Variants in ITGB3 observed in about 807,000 individuals in gnomAD.
ITGB3 encodes integrin subunit beta 3.
Under a neutral mutation model 85.8 loss-of-function variants are expected in ITGB3, and 48 were observed. That is an observed-to-expected ratio of 0.56 (90% confidence interval 0.44 to 0.71). The LOEUF (loss-of-function observed/expected upper bound fraction) is 0.71. Ranked by LOEUF, ITGB3 falls within the 30% of genes least tolerant of loss-of-function variation. The pLI is 0.00. For synonymous variants in ITGB3, 363 were observed against 395.6 expected, an observed-to-expected ratio of 0.92 and a Z score of 0.98; for missense variants, 861 against 1,019.1, an observed-to-expected ratio of 0.84 and a Z score of 2.11.
Position 47,274,090 on chromosome 17 carries a change from A to C in ITGB3, c.80-329A>C, listed in dbSNP as rs192106345. Among the ~76,000 whole-genome samples, 47 of 152,282 alleles carry C rather than the reference A, an allele frequency of 3.1e-4. 1 individual carries two copies. In the East Asian group the frequency reaches 7.7e-3, roughly 25 times the overall value. On this transcript the variant is annotated intron_variant, in intron 1 of 14. Coordinates refer to ENST00000559488, the MANE Select transcript of ITGB3 (RefSeq NM_000212.3). ...GGGCCCCGGAGATATTTTCATTTGC[A>C]CAATGTAGGTGTCAAACCAGTTGTT...
intron 1 of ITGB3, among the ~76,000 whole-genome samples, chr17:47,255,198 G>C (rs566349454): frequency 5.3e-5 from 8 of 151,638 alleles, no homozygotes; most frequent in African/African-American, 1.9e-4. Context: ...AGGCTGGTCT[G>C]GAGCTCCTGG....
chr17:47,260,454 G>T (rs2065005187), intron 1 of ITGB3, among the ~76,000 whole-genome samples: 1 of 152,198 alleles, frequency 6.6e-6, no homozygotes, highest in Non-Finnish European at 1.5e-5. Context: ...GAAAAACTTT[G>T]CACTAGAAGA....
intron 10 of ITGB3, among the ~76,000 whole-genome samples, chr17:47,298,363 G>C (rs186427662): frequency 2.0e-5 from 3 of 152,094 alleles, no homozygotes; most frequent in Non-Finnish European, 1.5e-5. Flanking sequence ...AACTGCACTG[G>C]CCCTCGGCAG....
intron 1 of ITGB3, among the ~76,000 whole-genome samples, chr17:47,255,447 T>C (rs922042319): frequency 6.6e-6 from 1 of 152,000 alleles, no homozygotes; most frequent in Non-Finnish European, 1.5e-5. Flanking sequence ...TGTTTTGAGA[T>C]GGACTCTCGC....
rs777980715 is a variant in ITGB3 at position 47,292,128 on chromosome 17, T to C, written c.1261-11T>C. The C allele has an allele frequency of 3.1e-6, 5 of 1,613,940 alleles. No homozygotes were observed. The highest frequency in any genetic ancestry group is 4.2e-6 in the Non-Finnish European group (5 of 1,179,910). On this transcript the variant is annotated splice_polypyrimidine_tract_variant and intron_variant, in intron 9 of 14. Coordinates refer to ENST00000559488, the MANE Select transcript of ITGB3 (RefSeq NM_000212.3). The stretch of plus-strand genomic sequence containing the variant: ...CAACTGTGTCTAAATACAATCTTTC[T>C]TTCCATCCAGGTGAGCTTCAGCATT...
intron 10 of ITGB3, among the ~76,000 whole-genome samples, chr17:47,294,686 G>A (rs1005267377): frequency 9.2e-5 from 14 of 152,166 alleles, no homozygotes; most frequent in African/African-American, 2.2e-4. Context: ...ACTCAGGGGC[G>A]CACATCATTG....
At chr17:47,292,106 C>T in intron 9 of ITGB3, 33 bp from the exon 10 acceptor site, 1 of 1,611,250 alleles carries the variant, frequency 6.2e-7, no homozygotes, top group Non-Finnish European at 8.5e-7. Context: ...CTGGGCCCAA[C>T]TGTGTCTAAA....
At chr17:47,309,123 A>G (rs2065203036) in intron 14 of ITGB3, among the ~76,000 whole-genome samples, 1 of 150,678 alleles carries the variant, frequency 6.6e-6, no homozygotes, top group East Asian at 2.0e-4. Context: ...TCATGGCTCA[A>G]TGCAGCCTCC....
chr17:47,275,173 C>T (rs1026846531), intron 2 of ITGB3, among the ~76,000 whole-genome samples: 2 of 152,088 alleles, frequency 1.3e-5, no homozygotes, highest in Admixed American at 6.6e-5. Context: ...TTGGGCCCCG[C>T]GGCTTTACAT....
At chr17:47,295,452 G>A (rs566229139) in intron 10 of ITGB3, among the ~76,000 whole-genome samples, 5 of 151,984 alleles carry the variant, frequency 3.3e-5, no homozygotes, top group South Asian at 2.1e-4. Context: ...CTGACTTTCC[G>A]ATGAACCCGG....
At chr17:47,290,099 A>G (rs2065119154) in intron 7 of ITGB3, 86 bp from the exon 8 acceptor site, 2 of 959,798 alleles carry the variant, frequency 2.1e-6, no homozygotes, top group Admixed American at 3.4e-5. Flanking sequence ...TCTTCATCTC[A>G]GGACTCTCAG....
chr17:47,286,442 A>G lies in ITGB3; in HGVS notation c.777+20A>G, dbSNP rs1284668315. ...TGTGATGTGAGTTTGGAGGACTTGG[A>G]GTGCCAGGTGTGGCTGGCATAGATC... On this transcript the variant is annotated intron_variant, in intron 5 of 14. Transcript: ENST00000559488. 1.9e-6 allele frequency: 3 copies of G among 1,613,912 alleles called. No individual in the cohort carries two copies. Among genetic ancestry groups the G allele is most frequent in the South Asian group, 1.1e-5 (1 of 91,072 alleles).
Position 47,292,254 on chromosome 17 carries a change from G to A in ITGB3, c.1376G>A (p.Cys459Tyr), listed in dbSNP as rs553184182. 7.4e-6 allele frequency: 12 copies of A among 1,614,132 alleles called. No individual in the cohort carries two copies. The highest frequency in any genetic ancestry group is 1.1e-5 in the South Asian group (1 of 91,090). The change falls in exon 10 of 15, where the codon TGT (cysteine) becomes TAT (tyrosine). Residue 459 changes from cysteine to tyrosine, a missense_variant. Coordinates refer to ENST00000559488, the MANE Select transcript of ITGB3 (RefSeq NM_000212.3). ...CTGATCGTCCAGGTCACCTTTGATTGTGACTGTGCCTGCCAGGCCCAAGCT... is the reference window on the plus strand; with the variant it reads ...CTGATCGTCCAGGTCACCTTTGATTATGACTGTGCCTGCCAGGCCCAAGCT... ...DSLIVQVTFD[C>Y]DCACQAQAEP...
chr17:47,287,910 G>GC (rs2065109128), intron 6 of ITGB3, among the ~76,000 whole-genome samples: 1 of 82,858 alleles, frequency 1.2e-5, no homozygotes, highest in African/African-American at 4.8e-5. Flanking sequence ...AACCACCCCT[G>GC]CTTTTTTTTT....
chr17:47,309,786 T>C (rs190934548), intron 14 of ITGB3, among the ~76,000 whole-genome samples: 20 of 151,608 alleles, frequency 1.3e-4, no homozygotes, highest in African/African-American at 4.6e-4. Flanking sequence ...TCCCAGCTAC[T>C]TGGGAGGCTG....
At chr17:47,282,017 T>G (rs2065085339) in intron 2 of ITGB3, among the ~76,000 whole-genome samples, 1 of 152,152 alleles carries the variant, frequency 6.6e-6, no homozygotes, top group African/African-American at 2.4e-5. Flanking sequence ...GGCACGATCT[T>G]GGCTTGCTGC....
chr17:47,266,168 G>T (rs1398839193), intron 1 of ITGB3, among the ~76,000 whole-genome samples: 1 of 152,004 alleles, frequency 6.6e-6, no homozygotes, highest in African/African-American at 2.4e-5. Flanking sequence ...GGACCTAATT[G>T]GGAAGTGAGC....
chr17:47,256,145 C>T (rs1401539461), intron 1 of ITGB3, among the ~76,000 whole-genome samples: 1 of 152,084 alleles, frequency 6.6e-6, no homozygotes, highest in Non-Finnish European at 1.5e-5. Context: ...ACTGCATTGA[C>T]ATACGTAAGT....
intron 1 of ITGB3, among the ~76,000 whole-genome samples, chr17:47,266,270 C>T (rs1311925461): frequency 6.6e-6 from 1 of 152,186 alleles, no homozygotes; most frequent in Non-Finnish European, 1.5e-5. Flanking sequence ...AACATCCTCC[C>T]TTCTCGATAA....
Sources: gnomAD v4.1 joint callset for allele counts (sites outside exome capture counted in the v4.1 genomes callset) on GRCh38, gnomAD v4.1.1 for gene constraint, MANE v1.5 for transcripts, NCBI Gene and HGNC (gene_info 2026-07-23, HGNC 2026-07-21) for gene names.